Variants in TTBK2 observed in about 807,000 individuals in gnomAD.
TTBK2 encodes tau tubulin kinase 2, also known as tau-tubulin kinase 2.
Under a neutral mutation model 110.8 loss-of-function variants are expected in TTBK2, and 28 were observed. That is an observed-to-expected ratio of 0.25 (90% CI 0.19 to 0.35). The LOEUF is 0.35. Ranked by LOEUF, TTBK2 falls within the 10% of genes least tolerant of loss-of-function variation. The probability of loss-of-function intolerance (pLI) is 1.00; values close to 1 mark genes in which losing one functional copy is unlikely to be tolerated. For synonymous variants in TTBK2, 532 were observed against 527.3 expected, an observed-to-expected ratio of 1.01 and a Z score of -0.12; for missense variants, 1,369 against 1,500.3, an observed-to-expected ratio of 0.91 and a Z score of 1.45.
intron 9 of TTBK2, among the ~76,000 whole-genome samples, chr15:42,806,853 G>A (rs1891490347): frequency 1.3e-5 from 2 of 148,998 alleles, no homozygotes; most frequent in South Asian, 4.2e-4. Context: ...TATCATTACT[G>A]TTAGTGTATT....
intron 7 of TTBK2, among the ~76,000 whole-genome samples, chr15:42,815,949 T>C (rs866156854): frequency 2.7e-5 from 1 of 37,176 alleles, no homozygotes. Context: ...TATATATATT[T>C]AAAAAAAAAA....
chr15:42,874,843 G>A (rs1196581950), intron 2 of TTBK2, among the ~76,000 whole-genome samples: 6 of 151,474 alleles, frequency 4.0e-5, no homozygotes, highest in Non-Finnish European at 7.4e-5. Context: ...AAAATTAGCC[G>A]GGCGTGGTGG....
chr15:42,858,537 A>G (rs1300415089), intron 3 of TTBK2, among the ~76,000 whole-genome samples: 1 of 152,228 alleles, frequency 6.6e-6, no homozygotes, highest in Non-Finnish European at 1.5e-5. Flanking sequence ...ATAATAAAAA[A>G]TTAGAGTAAG....
chr15:42,898,942 C>T (rs540284950), intron 1 of TTBK2, among the ~76,000 whole-genome samples: 1 of 152,248 alleles, frequency 6.6e-6, no homozygotes, highest in Non-Finnish European at 1.5e-5. Context: ...AAATTATGTG[C>T]TGTTAAAACT....
intron 11 of TTBK2, among the ~76,000 whole-genome samples, chr15:42,782,198 A>C (rs6493066): frequency 0.26 from 40,038 of 151,928 alleles, 6,036 homozygotes; most frequent in African/African-American, 0.4. Context: ...CAGCTTCCCA[A>C]GTAGCTGGGA....
chr15:42,899,576 T>C (rs1204977884), intron 1 of TTBK2, among the ~76,000 whole-genome samples: 2 of 151,834 alleles, frequency 1.3e-5, no homozygotes, highest in Non-Finnish European at 2.9e-5. Flanking sequence ...CTGTCTCTAC[T>C]AAAATACAAA....
At chr15:42,815,115 G>T (rs1356371834) in intron 7 of TTBK2, among the ~76,000 whole-genome samples, 1 of 151,428 alleles carries the variant, frequency 6.6e-6, no homozygotes, top group Non-Finnish European at 1.5e-5. Context: ...AAATTAACTG[G>T]AAAACCTAGT....
intron 9 of TTBK2, among the ~76,000 whole-genome samples, chr15:42,803,969 G>T (rs1179609464): frequency 7.4e-6 from 1 of 134,312 alleles, no homozygotes; most frequent in African/African-American, 2.8e-5. Flanking sequence ...GGAGGTTTCA[G>T]TGAGCCAAAA....
chr15:42,767,239 C>G (rs1230909432), intron 13 of TTBK2, among the ~76,000 whole-genome samples: 1 of 151,944 alleles, frequency 6.6e-6, no homozygotes, highest in Non-Finnish European at 1.5e-5. Flanking sequence ...GAAGCAAGAG[C>G]AAACACATTC....
chr15:42,805,729 T>G (rs1891436107), intron 9 of TTBK2, among the ~76,000 whole-genome samples: 1 of 152,182 alleles, frequency 6.6e-6, no homozygotes, highest in African/African-American at 2.4e-5. Context: ...CCAGCGTGAT[T>G]GAGTTCTGAC....
At chr15:42,845,435 G>A (rs1432171577) in intron 3 of TTBK2, among the ~76,000 whole-genome samples, 4 of 151,770 alleles carry the variant, frequency 2.6e-5, no homozygotes, top group African/African-American at 9.7e-5. Context: ...GGAGGCCGAG[G>A]TGGGTGGATC....
intron 9 of TTBK2, among the ~76,000 whole-genome samples, chr15:42,804,943 TA>T (rs1337019304): frequency 6.6e-6 from 1 of 152,182 alleles, no homozygotes; most frequent in Admixed American, 6.5e-5. Context: ...ACCCTCACCA[TA>T]AAGCATGACT....
chr15:42,813,420 G>A (rs1423605751), intron 7 of TTBK2, among the ~76,000 whole-genome samples: 1 of 152,140 alleles, frequency 6.6e-6, no homozygotes, highest in Non-Finnish European at 1.5e-5. Context: ...TATGCAGGAG[G>A]CTGAGGTGGG....
At chr15:42,872,559 A>C in intron 3 of TTBK2, 52 bp downstream of exon 3, 1 of 1,586,662 alleles carries the variant, frequency 6.3e-7, no homozygotes, top group Non-Finnish European at 8.6e-7. Flanking sequence ...GATACAAATA[A>C]ATTATAAATT....
chr15:42,739,604 C>T lies in TTBK2; in HGVS notation c.*6191G>A, dbSNP rs1405975631. ...CCACCTAGGCTGTGTTTATTCAGTC[C>T]ACCCAATCCAATGTCAAAGCCCCAA... is the stretch of plus-strand genomic sequence containing the variant. On this transcript the variant is annotated 3_prime_UTR_variant, in exon 15 of 15. Transcript: ENST00000267890. 6.6e-6 allele frequency: 1 copy of T among 152,252 alleles called. No homozygotes were observed. 9.4% of individuals were successfully genotyped at this position (152,252 alleles called of 1,614,324 possible).
At chr15:42,900,082 G>A (rs540030005) in intron 1 of TTBK2, among the ~76,000 whole-genome samples, 4 of 150,802 alleles carry the variant, frequency 2.7e-5, no homozygotes, top group Non-Finnish European at 4.4e-5. Context: ...CACCTCCACC[G>A]CCCGGGTTCA....
intron 1 of TTBK2, among the ~76,000 whole-genome samples, chr15:42,886,500 C>T (rs561944528): frequency 2.0e-5 from 3 of 152,254 alleles, no homozygotes; most frequent in Non-Finnish European, 2.9e-5. Flanking sequence ...AACTCTTAGA[C>T]GCTTTACCGC....
intron 3 of TTBK2, among the ~76,000 whole-genome samples, chr15:42,858,000 T>C (rs1221790189): frequency 2.0e-5 from 3 of 152,044 alleles, no homozygotes; most frequent in Admixed American, 2.0e-4. Context: ...CAAGGATCAC[T>C]TGAACCTGGG....
At chr15:42,838,995 G>A (rs1893111284) in intron 4 of TTBK2, among the ~76,000 whole-genome samples, 1 of 152,032 alleles carries the variant, frequency 6.6e-6, no homozygotes, top group Non-Finnish European at 1.5e-5. Flanking sequence ...TTTGACACAT[G>A]GGCAAATTGT....
Sources: allele counts gnomAD v4.1 joint callset (sites outside exome capture counted in the v4.1 genomes callset), GRCh38; gene constraint gnomAD v4.1.1; transcripts MANE v1.5; gene names NCBI Gene and HGNC (gene_info 2026-07-23, HGNC 2026-07-21).